The following LDB2 variants were observed in gnomAD, a reference collection of about 807,000 sequenced individuals.
The protein encoded by LDB2 is LIM domain binding 2, also known as LIM domain-binding protein 2.
Under a neutral mutation model 44.3 loss-of-function variants are expected in LDB2, and 12 were observed. The ratio of observed to expected loss-of-function variants is 0.27; its 90% confidence interval spans 0.17 to 0.44. LDB2 has a LOEUF of 0.44. Among genes scored for constraint, LDB2 ranks in the 20% least tolerant of loss-of-function variants. The pLI is 1.00. For missense variants in LDB2, 344 were observed against 473.5 expected, an observed-to-expected ratio of 0.73 and a Z score of 2.54; for synonymous variants, 164 against 174.8, an observed-to-expected ratio of 0.94 and a Z score of 0.49.
chr4:16,702,368 T>G (rs1753636006), intron 2 of LDB2, among the ~76,000 whole-genome samples: 1 of 152,186 alleles, frequency 6.6e-6, no homozygotes, highest in Non-Finnish European at 1.5e-5. Flanking sequence ...CTGAACTGCA[T>G]GCCCTGCATG....
In LDB2 at chr4:16,800,843, CT is replaced by C. The variant is rs561710244; in HGVS notation, c.133-41584del. 4.6e-5 allele frequency among the ~76,000 whole-genome samples: 7 copies of C among 152,230 alleles called. No homozygotes were observed. In the South Asian group the frequency reaches 1.5e-3, roughly 32 times the overall value. On this transcript the variant is annotated intron_variant, in intron 1 of 7. Transcript: ENST00000304523. ...GCGCCCGCCACCAACGCCCGGCTAA[CT>C]TTTTGTATTTTTACTAGAGACAGGG...
chr4:16,804,774 TTGC>T (rs1180880435), intron 1 of LDB2, among the ~76,000 whole-genome samples: 11 of 152,354 alleles, frequency 7.2e-5, no homozygotes, highest in African/African-American at 2.6e-4. Context: ...TATTTATTTT[TTGC>T]TGATTTCTCA....
intron 1 of LDB2, among the ~76,000 whole-genome samples, chr4:16,849,565 T>TA (rs1787778777): frequency 6.6e-6 from 1 of 152,214 alleles, no homozygotes; most frequent in Non-Finnish European, 1.5e-5. Context: ...GGAGCCTTCT[T>TA]AGAGAGTTGT....
intron 1 of LDB2, among the ~76,000 whole-genome samples, chr4:16,889,756 T>C (rs1163776098): frequency 6.6e-6 from 1 of 152,198 alleles, no homozygotes; most frequent in Non-Finnish European, 1.5e-5. Context: ...GGGCTTATAT[T>C]CTATCAAGGA....
At chr4:16,819,090 G>C (rs1781465855) in intron 1 of LDB2, among the ~76,000 whole-genome samples, 1 of 54,778 alleles carries the variant, frequency 1.8e-5, no homozygotes, top group Non-Finnish European at 4.4e-5. Flanking sequence ...AGTTGTGGTT[G>C]CTTGTGTGTG....
At chr4:16,607,529 CA>C (rs1383255243) in intron 2 of LDB2, among the ~76,000 whole-genome samples, 1 of 152,234 alleles carries the variant, frequency 6.6e-6, no homozygotes, top group African/African-American at 2.4e-5. Flanking sequence ...CTAGTTTCTT[CA>C]GCTGCAAAAT....
At chr4:16,844,515 G>C (rs1786562505) in intron 1 of LDB2, among the ~76,000 whole-genome samples, 1 of 152,114 alleles carries the variant, frequency 6.6e-6, no homozygotes. Context: ...TTAAGGATTT[G>C]TCTGTTATTT....
chr4:16,557,463 C>A (rs1740135052), intron 5 of LDB2, among the ~76,000 whole-genome samples: 1 of 152,206 alleles, frequency 6.6e-6, no homozygotes, highest in African/African-American at 2.4e-5. Flanking sequence ...ATTGCTAGCA[C>A]AGCAGTCTGA....
chr4:16,878,102 A>G (rs888723346), intron 1 of LDB2, among the ~76,000 whole-genome samples: 4 of 152,382 alleles, frequency 2.6e-5, no homozygotes, highest in South Asian at 2.1e-4. Context: ...GTTAAAGCCA[A>G]TCAAAAGCAG....
At chr4:16,699,440 C>G (rs1352933074) in intron 2 of LDB2, among the ~76,000 whole-genome samples, 1 of 152,190 alleles carries the variant, frequency 6.6e-6, no homozygotes, top group Non-Finnish European at 1.5e-5. Flanking sequence ...TAGGATGTTA[C>G]TTCTGTGAGT....
chr4:16,714,715 T>C (rs767507804), intron 2 of LDB2, among the ~76,000 whole-genome samples: 6 of 152,188 alleles, frequency 3.9e-5, no homozygotes, highest in Non-Finnish European at 7.4e-5. Flanking sequence ...CTGGAAGTTC[T>C]GAGAGAGCAT....
chr4:16,607,867 G>A (rs1560614736), intron 2 of LDB2, among the ~76,000 whole-genome samples: 1 of 152,108 alleles, frequency 6.6e-6, no homozygotes, highest in Non-Finnish European at 1.5e-5. Context: ...GACAGTCTGC[G>A]AATCTCAAAC....
intron 2 of LDB2, among the ~76,000 whole-genome samples, chr4:16,751,874 C>G (rs1241708288): frequency 6.6e-6 from 1 of 152,110 alleles, no homozygotes; most frequent in Non-Finnish European, 1.5e-5. Flanking sequence ...ATCTCACCAG[C>G]CTAATGAAGA....
chr4:16,778,014 G>A (rs533865304), intron 1 of LDB2, among the ~76,000 whole-genome samples: 46 of 152,070 alleles, frequency 3.0e-4, no homozygotes, highest in African/African-American at 1.0e-3. Context: ...AGTTCACACC[G>A]CTGCTCCCAG....
intron 2 of LDB2, among the ~76,000 whole-genome samples, chr4:16,665,648 G>C (rs1472094625): frequency 2.0e-5 from 3 of 152,096 alleles, no homozygotes; most frequent in Non-Finnish European, 2.9e-5. Flanking sequence ...GAGCAGAAAA[G>C]TTATGGCTAG....
intron 5 of LDB2, among the ~76,000 whole-genome samples, chr4:16,574,058 C>G (rs1385026221): frequency 1.3e-5 from 2 of 152,132 alleles, no homozygotes; most frequent in Non-Finnish European, 2.9e-5. Flanking sequence ...GCGAATTGCC[C>G]AATTCTTTTA....
At chr4:16,505,467 A>C (rs1341900821) in intron 7 of LDB2, among the ~76,000 whole-genome samples, 2 of 152,130 alleles carry the variant, frequency 1.3e-5, no homozygotes, top group Admixed American at 6.5e-5. Flanking sequence ...ATTTATGTGC[A>C]TGTTTCTATT....
At chr4:16,777,732 G>A (rs1579573021) in intron 1 of LDB2, among the ~76,000 whole-genome samples, 1 of 151,972 alleles carries the variant, frequency 6.6e-6, no homozygotes, top group Non-Finnish European at 1.5e-5. Context: ...TGTAAAATGG[G>A]GACAGCAATC....
chr4:16,529,443 ATCC>A (rs776878956), intron 5 of LDB2, among the ~76,000 whole-genome samples: 67 of 152,236 alleles, frequency 4.4e-4, no homozygotes, highest in South Asian at 1.0e-3. Flanking sequence ...ATGTCCCTTC[ATCC>A]TCAGCAGAAA....
Sources: gnomAD v4.1 joint callset for allele counts (sites outside exome capture counted in the v4.1 genomes callset) on GRCh38, gnomAD v4.1.1 for gene constraint, MANE v1.5 for transcripts, NCBI Gene and HGNC (gene_info 2026-07-23, HGNC 2026-07-21) for gene names.